The following ASMT variants were observed in gnomAD, a reference collection of about 807,000 sequenced individuals.
ASMT encodes the protein acetylserotonin N-methyltransferase.
A neutral mutation model predicts 41.3 loss-of-function variants in ASMT; 53 were observed. The observed-to-expected ratio is 1.28, with a 90% CI of 1.03 to 1.61. ASMT has a LOEUF of 1.61. ASMT is among the 40% of genes most tolerant of loss of function. The probability of loss-of-function intolerance (pLI) is 0.00; values close to 1 mark genes in which losing one functional copy is unlikely to be tolerated. For synonymous variants in ASMT, 231 were observed against 184.8 expected, an observed-to-expected ratio of 1.25 and a Z score of -2.03; for missense variants, 531 against 441.3, an observed-to-expected ratio of 1.20 and a Z score of -1.82.
intron 1 of ASMT, among the ~76,000 whole-genome samples, chrX:1,616,259 C>G (rs1448359990): frequency 6.6e-6 from 1 of 151,384 alleles, no homozygotes; most frequent in Non-Finnish European, 1.5e-5. Context: ...GAACTCCTGA[C>G]CTCAAGTGAT....
At chrX:1,616,933 C>G (rs1339390697) in intron 1 of ASMT, among the ~76,000 whole-genome samples, 3 of 151,970 alleles carry the variant, frequency 2.0e-5, no homozygotes, top group African/African-American at 4.8e-5. Context: ...TGGTCTCGAT[C>G]TCCTGACCTC....
At chrX:1,622,331 C>T (rs1364474209) in intron 1 of ASMT, among the ~76,000 whole-genome samples, 2 of 151,248 alleles carry the variant, frequency 1.3e-5, no homozygotes, top group African/African-American at 4.9e-5. Context: ...ACTCTGTCAC[C>T]CAGGCTTGGA....
chrX:1,633,032 C>A, intron 6 of ASMT, 118 bp from the exon 7 acceptor site: 1 of 1,146,972 alleles, frequency 8.7e-7, no homozygotes, highest in Non-Finnish European at 1.3e-6. Context: ...AAAGACCAGA[C>A]ATGGCGGAAG....
chrX:1,641,561 C>T (rs1250121619), intron 8 of ASMT, among the ~76,000 whole-genome samples: 2 of 149,590 alleles, frequency 1.3e-5, no homozygotes, highest in Non-Finnish European at 3.0e-5. Context: ...CCTGTGAGGT[C>T]CACCCATCCT....
chrX:1,617,251 CTT>C (rs1934168855), intron 1 of ASMT, among the ~76,000 whole-genome samples: 1 of 151,724 alleles, frequency 6.6e-6, no homozygotes, highest in African/African-American at 2.4e-5. Flanking sequence ...GGGCGGATCA[CTT>C]GAGGTCAGGA....
intron 1 of ASMT, 63 bp downstream of exon 1, chrX:1,615,331 G>A (rs1350069558): frequency 8.9e-5 from 128 of 1,442,434 alleles, no homozygotes; most frequent in Non-Finnish European, 1.1e-4. Flanking sequence ...ACGTTCCATT[G>A]TTGTGTCAGT....
intron 5 of ASMT, among the ~76,000 whole-genome samples, chrX:1,630,300 A>ATTTTTTT (rs36011956): frequency 1.4e-5 from 1 of 71,098 alleles, no homozygotes. Context: ...CACCAGGCTA[A>ATTTTTTT]TTTTTTTTTT....
chrX:1,636,356 G>T (rs780982749), intron 7 of ASMT, 82 bp from the exon 8 acceptor site: 19 of 1,606,312 alleles, frequency 1.2e-5, no homozygotes, highest in Middle Eastern at 3.3e-4. Context: ...ACCCATCCAG[G>T]TGACCTTTTG....
chrX:1,636,639 A>T (rs1385895066), intron 8 of ASMT, 79 bp downstream of exon 8: 2 of 1,609,192 alleles, frequency 1.2e-6, no homozygotes, highest in Admixed American at 3.3e-5. Flanking sequence ...GAAGGCAGGC[A>T]CTGAAATCAT....
chrX:1,615,398 C>G, intron 1 of ASMT, 130 bp downstream of exon 1: 2 of 937,106 alleles, frequency 2.1e-6, no homozygotes, highest in Non-Finnish European at 1.7e-6. Context: ...CCGTGAAAGA[C>G]GTACACCCAC....
rs368076828 is a variant in ASMT at position 1,623,264 on chromosome X, C to T, written c.195C>T (p.Asp65=). ...CCCATGGGACAGAGCTCCTGCTGGACATCTGTGTGTCCCTGAAGCTGCTGA... is the reference window on the plus strand; with the variant it reads ...CCCATGGGACAGAGCTCCTGCTGGATATCTGTGTGTCCCTGAAGCTGCTGA... The part of the protein sequence containing the change: ...ASAHGTELLL[D]ICVSLKLLKV... The change falls in exon 2 of 9, where the codon GAC becomes GAT. Residue 65 remains aspartate (D), a synonymous_variant. Coordinates refer to ENST00000381241, the MANE Select transcript of ASMT (RefSeq NM_001171038.2). 10 of 1,613,814 alleles carry T rather than the reference C, an allele frequency of 6.2e-6. No homozygotes were observed. The highest frequency in any genetic ancestry group is 8.5e-6 in the Non-Finnish European group (10 of 1,179,886).
At position 1,637,132 on chromosome X, in the gene ASMT, GCT is replaced by G. The variant is rs1569384677; in HGVS notation, c.910+573_910+574del. Among the ~76,000 whole-genome samples the G allele has an allele frequency of 2.6e-3, 288 of 110,812 alleles. 2 individuals are homozygous for G. Among genetic ancestry groups the G allele is most frequent in the Admixed American group, 7.2e-3 (80 of 11,122 alleles). The allele number at this position is 110,812 out of a possible 152,430, so 72.7% of individuals were successfully genotyped here. On this transcript the variant is annotated intron_variant, in intron 8 of 8. Transcript: ENST00000381241. ...TCCTGTGAGGTCCACCCATCCTGAT[GCT>G]TCACGAGGACGTGGGCACAGCCTCT...
rs1556110215 is a variant in ASMT, at chrX:1,627,633, C to CGAAATGAAATGAATGAAAT, written c.375-57_375-56insTGAAATGAAATGAAATGAA. 4.2e-6 allele frequency: 5 copies of CGAAATGAAATGAATGAAAT among 1,199,432 alleles called. No homozygotes were observed. In the African/African-American group the frequency reaches 7.6e-5, roughly 18 times the overall value. The allele number at this position is 1,199,432 out of a possible 1,614,324, so 74.3% of individuals were successfully genotyped here. ...TGAAATGAAATGAAACGAAATGAAACGAAATGAAATGAAATGAAATGAAAT... is the reference window on the plus strand; with the variant it reads ...TGAAATGAAATGAAACGAAATGAAACGAAATGAAATGAATGAAATGAAATGAAATGAAATGAAATGAAAT... On this transcript the variant is annotated intron_variant, in intron 3 of 8. Transcript: ENST00000381241.
chrX:1,630,720 C>G (rs1934741780), intron 5 of ASMT, among the ~76,000 whole-genome samples: 1 of 151,820 alleles, frequency 6.6e-6, no homozygotes, highest in Non-Finnish European at 1.5e-5. Context: ...CCACACCTAG[C>G]TCATTTAAAA....
At chrX:1,630,920 T>TA (rs1238337861) in intron 5 of ASMT, among the ~76,000 whole-genome samples, 12 of 148,858 alleles carry the variant, frequency 8.1e-5, no homozygotes, top group African/African-American at 2.7e-4. Flanking sequence ...TTTATTTATT[T>TA]TTTTTTTTGA....
chrX:1,642,730 T>G, intron 8 of ASMT, 73 bp from the exon 9 acceptor site: 1 of 1,415,432 alleles, frequency 7.1e-7, no homozygotes, highest in Non-Finnish European at 1.0e-6. Flanking sequence ...GCTGTCCTTA[T>G]GGTTCACTGG....
chrX:1,617,612 GT>G (rs1477514228), intron 1 of ASMT, among the ~76,000 whole-genome samples: 3 of 150,708 alleles, frequency 2.0e-5, no homozygotes, highest in East Asian at 3.9e-4. Context: ...TTTTTTGTTT[GT>G]TTTTTTCCTT....
intron 1 of ASMT, among the ~76,000 whole-genome samples, chrX:1,616,246 C>G (rs1934103348): frequency 6.6e-6 from 1 of 151,444 alleles, no homozygotes; most frequent in Non-Finnish European, 1.5e-5. Flanking sequence ...CCAGGCTGGT[C>G]TCGAACTCCT....
intron 4 of ASMT, among the ~76,000 whole-genome samples, chrX:1,628,947 T>TC (rs1569377176): frequency 5.5e-5 from 8 of 145,972 alleles, no homozygotes; most frequent in African/African-American, 1.8e-4. Context: ...TCTCTCTTTC[T>TC]TTCTTTCCTT....
Sources: allele counts gnomAD v4.1 joint callset (sites outside exome capture counted in the v4.1 genomes callset), GRCh38; gene constraint gnomAD v4.1.1; transcripts MANE v1.5; gene names NCBI Gene and HGNC (gene_info 2026-07-23, HGNC 2026-07-21).